Variants in MAGI2 observed in about 807,000 individuals in gnomAD.
The protein encoded by MAGI2 is membrane-associated guanylate kinase, WW and PDZ domain-containing protein 2.
Under a neutral mutation model 133.3 loss-of-function variants are expected in MAGI2, and 35 were observed. That is an observed-to-expected ratio of 0.26 (90% CI 0.20 to 0.35). MAGI2 has a LOEUF of 0.35. MAGI2 is among the 10% of genes least tolerant of loss of function. MAGI2 has a pLI of 1.00. For missense variants in MAGI2, 1,636 were observed against 1,863.4 expected, an observed-to-expected ratio of 0.88 and a Z score of 2.25; for synonymous variants, 729 against 710.6, an observed-to-expected ratio of 1.03 and a Z score of -0.41.
intron 2 of MAGI2, among the ~76,000 whole-genome samples, chr7:78,699,103 C>T (rs1313469334): frequency 1.3e-5 from 2 of 152,170 alleles, no homozygotes; most frequent in Non-Finnish European, 2.9e-5. Flanking sequence ...TCACTGTACA[C>T]AAACTTTGCT....
intron 6 of MAGI2, among the ~76,000 whole-genome samples, chr7:78,452,358 A>G (rs1328300305): frequency 1.3e-5 from 2 of 152,004 alleles, no homozygotes; most frequent in Non-Finnish European, 2.9e-5. Flanking sequence ...AGTAGGAGCA[A>G]TGCATATTAA....
In MAGI2 at chr7:79,368,237, T is replaced by C. The variant is rs184750634; in HGVS notation, c.301+84783A>G. ...ATGAGGAATAACAGAGACAGCATAATAGAGCTAGACAGGGAATGAGAACCC... is the reference window on the plus strand; with the variant it reads ...ATGAGGAATAACAGAGACAGCATAACAGAGCTAGACAGGGAATGAGAACCC... On this transcript the variant is annotated intron_variant, in intron 1 of 21. Transcript: ENST00000354212. 3.7e-4 allele frequency among the ~76,000 whole-genome samples: 56 copies of C among 152,140 alleles called. No individual in the cohort carries two copies. The East Asian group carries it at 6.6e-3, about 18-fold the overall frequency.
chr7:79,340,408 T>C (rs748972249), intron 1 of MAGI2, among the ~76,000 whole-genome samples: 60 of 152,260 alleles, frequency 3.9e-4, no homozygotes, highest in Non-Finnish European at 7.5e-4. Context: ...GAAATTCTAT[T>C]TCCTCCCACT....
At chr7:78,244,826 T>C (rs964581373) in intron 10 of MAGI2, among the ~76,000 whole-genome samples, 1 of 141,052 alleles carries the variant, frequency 7.1e-6, no homozygotes, top group African/African-American at 3.0e-5. Flanking sequence ...TCTCCAAAGA[T>C]GGCAAAAAAA....
chr7:78,522,410 G>T (rs912595142), intron 3 of MAGI2, among the ~76,000 whole-genome samples: 1 of 152,128 alleles, frequency 6.6e-6, no homozygotes, highest in East Asian at 1.9e-4. Context: ...ACAGAGTCTT[G>T]CTCTGTTGCC....
chr7:78,727,056 G>A (rs1354575241), intron 2 of MAGI2, among the ~76,000 whole-genome samples: 2 of 152,082 alleles, frequency 1.3e-5, no homozygotes, highest in Non-Finnish European at 2.9e-5. Context: ...TGTATCAGCA[G>A]CTTTTTCTTG....
chr7:79,168,085 C>T (rs1825122574), intron 1 of MAGI2, among the ~76,000 whole-genome samples: 2 of 152,056 alleles, frequency 1.3e-5, no homozygotes, highest in African/African-American at 2.4e-5. Flanking sequence ...TCTAGTTAAT[C>T]GAATATCTAT....
At chr7:78,458,478 A>G (rs1490228560) in intron 6 of MAGI2, among the ~76,000 whole-genome samples, 1 of 152,036 alleles carries the variant, frequency 6.6e-6, no homozygotes, top group Non-Finnish European at 1.5e-5. Flanking sequence ...ATTTGTTTTG[A>G]TGTATGTTTA....
chr7:78,520,764 T>C (rs1053215933), intron 4 of MAGI2, among the ~76,000 whole-genome samples: 1 of 150,384 alleles, frequency 6.6e-6, no homozygotes, highest in Non-Finnish European at 1.5e-5. Context: ...TATATTTGTG[T>C]CTAATTCTTC....
chr7:78,559,756 A>T (rs1248545167), intron 3 of MAGI2, among the ~76,000 whole-genome samples: 1 of 152,126 alleles, frequency 6.6e-6, no homozygotes, highest in East Asian at 1.9e-4. Context: ...CTTTATACTC[A>T]TAGTCACATC....
intron 2 of MAGI2, among the ~76,000 whole-genome samples, chr7:78,949,211 C>T (rs1801673737): frequency 6.6e-6 from 1 of 152,098 alleles, no homozygotes; most frequent in South Asian, 2.1e-4. Context: ...AAACAATTTG[C>T]TTTACAATTA....
chr7:78,185,789 A>G (rs1827634767), intron 12 of MAGI2, 119 bp from the exon 13 acceptor site: 4 of 683,668 alleles, frequency 5.9e-6, no homozygotes, highest in Non-Finnish European at 7.1e-6. Context: ...CTTATGTTTA[A>G]GACTTTTTTT....
Position 78,019,705 on chromosome 7 carries a change from C to T in MAGI2, c.3978G>A (p.Pro1326=), listed in dbSNP as rs1195192107. 6.3e-7 allele frequency: 1 copy of T among 1,575,200 alleles called. No individual in the cohort carries two copies. The highest frequency in any genetic ancestry group is 1.8e-5 in the Admixed American group (1 of 56,728). The part of the protein sequence containing the change: ...RSASPQRAAR[P]RLEEAPGGQG... ...GGCCGCCGGGCGCCTCCTCGAGCCT[C>T]GGCCGCGCGGCCCTCTGCGGACTCG... Residue 1326 remains proline (P), a synonymous_variant, in exon 22 of 22, where the codon CCG becomes CCA. Transcript: ENST00000354212.
At chr7:78,582,812 G>A (rs118091960) in intron 3 of MAGI2, among the ~76,000 whole-genome samples, 2,163 of 152,224 alleles carry the variant, frequency 0.014, 26 homozygotes, top group Middle Eastern at 0.034. Context: ...TTTGGAAGGG[G>A]AATAGAAAAT....
intron 6 of MAGI2, among the ~76,000 whole-genome samples, chr7:78,386,718 G>A (rs1192802888): frequency 6.6e-6 from 1 of 152,136 alleles, no homozygotes; most frequent in Non-Finnish European, 1.5e-5. Context: ...AGCAGTGACA[G>A]TGTGATGTGA....
At chr7:79,106,587 T>G (rs1486782412) in intron 1 of MAGI2, among the ~76,000 whole-genome samples, 1 of 152,162 alleles carries the variant, frequency 6.6e-6, no homozygotes, top group South Asian at 2.1e-4. Context: ...CAATTCCTAC[T>G]AAGAGTCTTA....
chr7:78,282,117 T>C (rs189254347), intron 9 of MAGI2, among the ~76,000 whole-genome samples: 33 of 152,292 alleles, frequency 2.2e-4, no homozygotes, highest in Admixed American at 3.9e-4. Context: ...ATATAAACTA[T>C]AAAGCATGTG....
intron 2 of MAGI2, among the ~76,000 whole-genome samples, chr7:78,634,745 T>C (rs1421837042): frequency 6.6e-6 from 1 of 152,282 alleles, no homozygotes; most frequent in East Asian, 1.9e-4. Context: ...CAAGTAATTA[T>C]CTAGCACTAG....
chr7:79,223,159 A>T (rs760976875), intron 1 of MAGI2, among the ~76,000 whole-genome samples: 5 of 152,050 alleles, frequency 3.3e-5, no homozygotes, highest in Non-Finnish European at 7.3e-5. Flanking sequence ...TGCTGGGATT[A>T]TAGGCGTGAG....
Sources: allele counts gnomAD v4.1 joint callset (sites outside exome capture counted in the v4.1 genomes callset), GRCh38; gene constraint gnomAD v4.1.1; transcripts MANE v1.5; gene names NCBI Gene and HGNC (gene_info 2026-07-23, HGNC 2026-07-21).